The following ZNF362 variants were observed in gnomAD, a reference collection of about 807,000 sequenced individuals.
ZNF362 encodes zinc finger protein 362.
A neutral mutation model predicts 42.9 loss-of-function variants in ZNF362; 11 were observed. The ratio of observed to expected loss-of-function variants is 0.26; its 90% confidence interval spans 0.16 to 0.42. The LOEUF (loss-of-function observed/expected upper bound fraction) is 0.42, where lower values mean the gene tolerates loss of function less well. Ranked by LOEUF, ZNF362 falls within the 20% of genes least tolerant of loss-of-function variation. ZNF362 has a pLI of 1.00. For missense variants in ZNF362, 362 were observed against 576.2 expected, an observed-to-expected ratio of 0.63 and a Z score of 3.81; for synonymous variants, 255 against 257.3, an observed-to-expected ratio of 0.99 and a Z score of 0.09.
chr1:33,236,795 T>A, the ZNF362 span, among the ~76,000 whole-genome samples: 2 of 151,752 alleles, frequency 1.3e-5, no homozygotes, highest in East Asian at 3.9e-4. Flanking sequence ...AAATATCACA[T>A]TGTGGCCAAG....
chr1:33,180,927 A>G, the ZNF362 span: 4 of 673,712 alleles, frequency 5.9e-6, no homozygotes, highest in Non-Finnish European at 8.4e-6. Flanking sequence ...GACCATTCTG[A>G]CTGGGCCTGG....
At position 33,280,608 on chromosome 1, in the gene ZNF362, C is replaced by A; in HGVS notation, c.683+151C>A. ...AGAGGGGCGGGGCCTTCTGGAGAGC[C>A]CCACCCACATCCCAAGTCCCAGTTC... is the stretch of plus-strand genomic sequence containing the variant. On this transcript the variant is annotated intron_variant, in intron 5 of 8. Coordinates refer to ENST00000539719, the MANE Select transcript of ZNF362 (RefSeq NM_152493.3). This position sits in a 1 kb window ranked among gnomAD's most constrained non-coding sequence, Gnocchi z 5.6. The A allele has an allele frequency of 1.4e-6, 2 of 1,400,512 alleles. No individual in the cohort carries two copies. The highest frequency in any genetic ancestry group is 5.8e-5 in the Admixed American group (2 of 34,696). 86.8% of individuals were successfully genotyped at this position (1,400,512 alleles called of 1,614,324 possible). A position where few individuals can be genotyped will look rare whatever the true frequency, so the allele number is the denominator to read the frequency against.
the ZNF362 span, among the ~76,000 whole-genome samples, chr1:33,140,234 C>T: frequency 6.6e-6 from 1 of 152,186 alleles, no homozygotes; most frequent in Non-Finnish European, 1.5e-5. The surrounding 1 kb of genome is among the most constrained non-coding windows in gnomAD (Gnocchi z 4.0). Flanking sequence ...AAGGAGCTGT[C>T]CAGGGTCATT....
At chr1:33,213,209 G>A in the ZNF362 span, among the ~76,000 whole-genome samples, 1 of 152,066 alleles carries the variant, frequency 6.6e-6, no homozygotes, top group East Asian at 1.9e-4. Context: ...GCAGTGGTGC[G>A]ATCTTGGCTC....
chr1:33,291,693 G>A lies in ZNF362; in HGVS notation c.909-3244G>A, dbSNP rs374352521. ...TTCACGATACTGATTCTTCCTATCC[G>A]TGAGCATGGAATGTTCTTGCATTTG... On this transcript the variant is annotated intron_variant, in intron 6 of 8. Coordinates refer to ENST00000539719, the MANE Select transcript of ZNF362 (RefSeq NM_152493.3). Among the ~76,000 whole-genome samples the A allele has an allele frequency of 1.7e-4, 26 of 152,212 alleles. No homozygotes were observed. The East Asian group carries it at 1.9e-3, about 11-fold the overall frequency.
chr1:33,157,434 G>A, the ZNF362 span, among the ~76,000 whole-genome samples: 2 of 151,718 alleles, frequency 1.3e-5, no homozygotes, highest in African/African-American at 4.8e-5. Flanking sequence ...AGTGCGGGCT[G>A]GTTCCTGGAC....
the ZNF362 span, among the ~76,000 whole-genome samples, chr1:33,216,368 G>C: frequency 1.4e-5 from 2 of 146,708 alleles, no homozygotes; most frequent in African/African-American, 5.0e-5. Flanking sequence ...TTGGGAGGCT[G>C]AAGCGGGCAG....
the ZNF362 span, among the ~76,000 whole-genome samples, chr1:33,218,978 C>CACACACACACACACACAT: frequency 1.6e-3 from 209 of 134,440 alleles, 6 homozygotes; most frequent in East Asian, 3.6e-3. Flanking sequence ...CACACACACA[C>CACACACACACACACACAT]ACATACACCA....
the ZNF362 span, among the ~76,000 whole-genome samples, chr1:33,177,284 CA>C: frequency 1.3e-5 from 2 of 152,154 alleles, no homozygotes; most frequent in Non-Finnish European, 2.9e-5. The surrounding 1 kb of genome is among the most constrained non-coding windows in gnomAD (Gnocchi z 4.1). Context: ...AGAATAAAGA[CA>C]TTTAAAAATA....
chr1:33,282,465 C>G (rs1245368919), intron 6 of ZNF362, among the ~76,000 whole-genome samples: 1 of 152,152 alleles, frequency 6.6e-6, no homozygotes, highest in Non-Finnish European at 1.5e-5. Context: ...AAATCTCTGC[C>G]TTCGTGGGGC....
chr1:33,256,071 C>A (rs1400793927), upstream of ZNF362, among the ~76,000 whole-genome samples: 1 of 151,432 alleles, frequency 6.6e-6, no homozygotes, highest in African/African-American at 2.4e-5. Context: ...CCGGTGCCCT[C>A]CCCGCGCGGC....
chr1:33,214,505 C>T, the ZNF362 span, among the ~76,000 whole-genome samples: 18 of 152,206 alleles, frequency 1.2e-4, no homozygotes, highest in Admixed American at 1.2e-3. Context: ...GAGATCACAT[C>T]CAGCTAAAAA....
the ZNF362 span, among the ~76,000 whole-genome samples, chr1:33,208,908 C>T: frequency 2.6e-5 from 4 of 152,108 alleles, no homozygotes; most frequent in Non-Finnish European, 5.9e-5. Flanking sequence ...ATTGAATATC[C>T]TTTATTTCTT....
the ZNF362 span, chr1:33,199,822 A>G: frequency 3.3e-5 from 5 of 152,136 alleles, no homozygotes; most frequent in African/African-American, 1.2e-4. Flanking sequence ...GTTTGAGACC[A>G]TCCTGGCATG....
At chr1:33,261,189 A>G (rs1645825696) in intron 1 of ZNF362, 1 of 152,140 alleles carries the variant, frequency 6.6e-6, no homozygotes, top group Non-Finnish European at 1.5e-5. Flanking sequence ...ACCCTTGCAC[A>G]GAGCAGGAAT....
the ZNF362 span, chr1:33,181,045 C>T: frequency 6.6e-7 from 1 of 1,518,100 alleles, no homozygotes; most frequent in African/African-American, 1.4e-5. This position sits in a 1 kb window ranked among gnomAD's most constrained non-coding sequence, Gnocchi z 6.5. Context: ...TCGAAGGCGT[C>T]GTCGATGCCG....
At chr1:33,221,426 G>A in the ZNF362 span, among the ~76,000 whole-genome samples, 1 of 152,144 alleles carries the variant, frequency 6.6e-6, no homozygotes, top group Non-Finnish European at 1.5e-5. Context: ...CCAGGAACCA[G>A]TCCAGCCTCA....
the ZNF362 span, among the ~76,000 whole-genome samples, chr1:33,187,657 T>A: frequency 6.6e-5 from 10 of 152,194 alleles, no homozygotes; most frequent in Non-Finnish European, 1.2e-4. Context: ...CTTGCTGGTC[T>A]GCTGTCATGA....
the ZNF362 span, among the ~76,000 whole-genome samples, chr1:33,136,266 T>C: frequency 6.6e-6 from 1 of 151,268 alleles, no homozygotes; most frequent in South Asian, 2.1e-4. Context: ...TTTTTCTTTC[T>C]CTCTTTCTTT....
Sources: gnomAD v4.1 joint callset for allele counts (sites outside exome capture counted in the v4.1 genomes callset) on GRCh38, gnomAD v4.1.1 for gene constraint, Gnocchi (gnomAD v3.1) non-coding constraint, MANE v1.5 for transcripts, NCBI Gene and HGNC (gene_info 2026-07-23, HGNC 2026-07-21) for gene names.